FAM151A: variants seen among roughly 807,000 people sequenced by gnomAD.
FAM151A encodes the protein family with sequence similarity 151 member A, also known as protein FAM151A.
FAM151A carries 41 observed loss-of-function variants against 40.4 expected under a neutral mutation model. The observed-to-expected ratio is 1.01, with a 90% CI of 0.79 to 1.32. FAM151A has a LOEUF of 1.32. Ranked by LOEUF, FAM151A falls within the 40% of genes most tolerant of loss-of-function variation. The pLI is 0.00. For missense variants in FAM151A, 740 were observed against 740.4 expected (o/e 1.00, Z 0.01); for synonymous variants, 337 against 312.5 (o/e 1.08, Z -0.83).
chr1:54,611,494 C>T lies in FAM151A; in HGVS notation c.940+112G>A, dbSNP rs1644117655. The T allele has an allele frequency of 2.7e-6, 3 of 1,108,914 alleles. No individual in the cohort carries two copies. In the East Asian group the frequency reaches 7.3e-5, roughly 27 times the overall value. 68.7% of individuals were successfully genotyped at this position (1,108,914 alleles called of 1,614,324 possible). On this transcript the variant is annotated intron_variant, in intron 6 of 7. Coordinates refer to ENST00000302250, the MANE Select transcript of FAM151A (RefSeq NM_176782.3). ...AAAATGCAGCCGCCTCCTGTCCCAC[C>T]CCGGCCTTCCCCCTTCTGATATCCC... is the stretch of plus-strand genomic sequence containing the variant.
Position 54,616,047 on chromosome 1 carries a change from C to T in FAM151A, c.388G>A (p.Asp130Asn). 1 of 1,614,044 alleles carries T rather than the reference C, an allele frequency of 6.2e-7. No individual in the cohort carries two copies. Among genetic ancestry groups the T allele is most frequent in the South Asian group, 1.1e-5 (1 of 91,072 alleles). Residue 130 changes from aspartate (D) to asparagine (N), a missense_variant, in exon 3 of 8, where the codon GAC (aspartate) becomes AAC (asparagine). Asp to Asn is a conservative substitution (Grantham distance 23). Coordinates refer to ENST00000302250, the MANE Select transcript of FAM151A (RefSeq NM_176782.3). Reference sequence around the variant, plus strand: ...TTTTGGGAAGAGCCCAGCACAGCGTCCAGCCACTGCTCCAGTGTGTTGTCA... The same window carrying T: ...TTTTGGGAAGAGCCCAGCACAGCGTTCAGCCACTGCTCCAGTGTGTTGTCA... ...YSDNTLEQWL[D>N]AVLGSSQKGI...
intron 2 of FAM151A, among the ~76,000 whole-genome samples, chr1:54,619,239 T>C (rs1299511624): frequency 6.6e-6 from 1 of 152,214 alleles, no homozygotes; most frequent in African/African-American, 2.4e-5. Flanking sequence ...TTCACTAGCA[T>C]GTTCGTGAAC....
chr1:54,610,160 C>A, intron 7 of FAM151A: 1 of 1,433,126 alleles, frequency 7.0e-7, no homozygotes, highest in Non-Finnish European at 9.1e-7. Context: ...TTACCCATGA[C>A]TCAGCCTGGG....
chr1:54,619,749 G>T, intron 2 of FAM151A, 115 bp downstream of exon 2: 1 of 1,083,278 alleles, frequency 9.2e-7, no homozygotes, highest in Non-Finnish European at 1.3e-6. Context: ...CATGCTGAAA[G>T]ACATGTAAAC....
Position 54,609,362 on chromosome 1 carries a change from A to C in FAM151A, c.1664T>G (p.Leu555Trp). 6.2e-7 allele frequency: 1 copy of C among 1,614,164 alleles called. No individual in the cohort carries two copies. The highest frequency in any genetic ancestry group is 8.5e-7 in the Non-Finnish European group (1 of 1,180,026). ...GGDYASVRTALLAARAVDRTR... is the reference protein window; with the variant it reads ...GGDYASVRTAWLAARAVDRTR... ...CCTGTCCACAGCCCTAGCTGCCAGC[A>C]ATGCTGTCCTCACAGAGGCATAGTC... The change falls in exon 8 of 8, where the codon TTG (leucine) becomes TGG (tryptophan). Residue 555 changes from leucine to tryptophan, a missense_variant. By Grantham distance (61) the Leu-to-Trp change is moderately conservative. Transcript: ENST00000302250.
chr1:54,621,108 C>T (rs1033494177), intron 1 of FAM151A, among the ~76,000 whole-genome samples: 2 of 150,532 alleles, frequency 1.3e-5, no homozygotes, highest in African/African-American at 4.9e-5. Context: ...TGCAGTGAGC[C>T]GGAGATCATG....
intron 1 of FAM151A, among the ~76,000 whole-genome samples, 188 bp downstream of exon 1, chr1:54,623,090 C>G (rs550640834): frequency 6.7e-4 from 101 of 150,970 alleles, no homozygotes; most frequent in African/African-American, 2.4e-3. Context: ...GCAGGAGAAT[C>G]GCTTGAACCT....
intron 4 of FAM151A, 94 bp from the exon 5 acceptor site, chr1:54,612,804 C>A: frequency 2.3e-6 from 2 of 862,602 alleles, no homozygotes; most frequent in Non-Finnish European, 3.7e-6. Flanking sequence ...GTGGCAGAGC[C>A]TATTGGATCT....
chr1:54,616,500 G>A (rs1267103315), intron 2 of FAM151A, among the ~76,000 whole-genome samples: 1 of 151,924 alleles, frequency 6.6e-6, no homozygotes, highest in Non-Finnish European at 1.5e-5. Flanking sequence ...AGCCTCCCAA[G>A]TAGCTGGAAT....
chr1:54,620,251 C>T lies in FAM151A; in HGVS notation c.119-244G>A, dbSNP rs547598128. Among the ~76,000 whole-genome samples the T allele has an allele frequency of 6.6e-5, 10 of 152,306 alleles. 1 individual carries two copies. In the South Asian group the frequency reaches 2.1e-3, roughly 32 times the overall value. ...GGGGGCAGGTTCACAGAGAAGGGAA[C>T]ACTTAAGGAAGACCTTGAAGGATGG... On this transcript the variant is annotated intron_variant, in intron 1 of 7. Coordinates refer to ENST00000302250, the MANE Select transcript of FAM151A (RefSeq NM_176782.3).
intron 1 of FAM151A, among the ~76,000 whole-genome samples, chr1:54,622,650 A>G (rs1334432733): frequency 3.3e-5 from 5 of 151,754 alleles, no homozygotes; most frequent in African/African-American, 9.7e-5. Context: ...GAGGCAGGAA[A>G]ACCACTTAGA....
intron 3 of FAM151A, among the ~76,000 whole-genome samples, chr1:54,615,757 T>C (rs1644166396): frequency 6.6e-6 from 1 of 152,204 alleles, no homozygotes; most frequent in Non-Finnish European, 1.5e-5. Context: ...ACTCTGAGCA[T>C]GCGCGGCACT....
At chr1:54,610,671 C>A in intron 6 of FAM151A, 116 bp from the exon 7 acceptor site, 1 of 1,457,652 alleles carries the variant, frequency 6.9e-7, no homozygotes, top group Non-Finnish European at 9.1e-7. Flanking sequence ...CCTCATAGCA[C>A]CCTGCCAAGT....
chr1:54,620,214 G>A (rs1644216548), intron 1 of FAM151A, among the ~76,000 whole-genome samples: 5 of 152,204 alleles, frequency 3.3e-5, no homozygotes, highest in Admixed American at 3.3e-4. Context: ...CCAGCCTGAG[G>A]CAGTCAGGAA....
At position 54,610,414 on chromosome 1, in the gene FAM151A, G is replaced by A. The variant is rs1298842610; in HGVS notation, c.1082C>T (p.Pro361Leu). 6.2e-6 allele frequency: 10 copies of A among 1,612,970 alleles called. No individual in the cohort carries two copies. The East Asian group carries it at 1.1e-4, about 18-fold the overall frequency. Reference protein sequence around the residue: ...GSGKTATMTLPDTEGMILLNT... With the variant: ...GSGKTATMTLLDTEGMILLNT... ...CGGGGCTGAAGGGTAGACCTTACCTGGGAGGGTCATTGTTGCTGTTTTACC... is the reference window on the plus strand; with the variant it reads ...CGGGGCTGAAGGGTAGACCTTACCTAGGAGGGTCATTGTTGCTGTTTTACC... The change falls in exon 7 of 8, where the codon CCA (proline) becomes CTA (leucine). Residue 361 changes from proline (P) to leucine (L), a missense_variant and splice_region_variant. By Grantham distance (98) the Pro-to-Leu change is moderately conservative (BLOSUM62 -3). Coordinates refer to ENST00000302250, the MANE Select transcript of FAM151A (RefSeq NM_176782.3).
Position 54,609,954 on chromosome 1 carries a change from GCAGAGGCAA to G in FAM151A, c.1085-22_1085-14del. 6.3e-7 allele frequency: 1 copy of G among 1,596,788 alleles called. No individual in the cohort carries two copies. Among genetic ancestry groups the G allele is most frequent in the Non-Finnish European group, 8.5e-7 (1 of 1,175,924 alleles). The stretch of plus-strand genomic sequence containing the variant: ...ATGCCTTCTGTGTCTGGAAGAGGCG[GCAGAGGCAA>G]CAGTGTTTAGGATTTGGGTTATCAT... On this transcript the variant is annotated splice_polypyrimidine_tract_variant and intron_variant, in intron 7 of 7. Transcript: ENST00000302250.
chr1:54,618,683 C>T (rs1164133549), intron 2 of FAM151A, among the ~76,000 whole-genome samples: 4 of 152,102 alleles, frequency 2.6e-5, no homozygotes, highest in African/African-American at 7.2e-5. Context: ...AAGCCATATT[C>T]AGGAGGGAAG....
rs759778699 is a variant in FAM151A at position 54,609,893 on chromosome 1, G to C, written c.1133C>G (p.Ala378Gly). ...ATGAACAATGGGCACGGGGTTTTCA[G>C]CCACAGTTCCCTCGAGGCCAGTGTT... is the stretch of plus-strand genomic sequence containing the variant. ...LLNTGLEGTVAENPVPIVHTP... is the reference protein window; with the variant it reads ...LLNTGLEGTVGENPVPIVHTP... The change falls in exon 8 of 8, where the codon GCT becomes GGT. Residue 378 changes from alanine to glycine, a missense_variant. Coordinates refer to ENST00000302250, the MANE Select transcript of FAM151A (RefSeq NM_176782.3). 6.2e-7 allele frequency: 1 copy of C among 1,612,392 alleles called. No homozygotes were observed. Among genetic ancestry groups the C allele is most frequent in the Non-Finnish European group, 8.5e-7 (1 of 1,179,954 alleles).
chr1:54,618,262 G>A (rs918320304), intron 2 of FAM151A, among the ~76,000 whole-genome samples: 3 of 152,144 alleles, frequency 2.0e-5, no homozygotes, highest in African/African-American at 7.2e-5. Flanking sequence ...CTAGCACTTT[G>A]GGAGCCCGAG....
Sources: allele counts gnomAD v4.1 joint callset (sites outside exome capture counted in the v4.1 genomes callset), GRCh38; gene constraint gnomAD v4.1.1; transcripts MANE v1.5; gene names NCBI Gene and HGNC (gene_info 2026-07-23, HGNC 2026-07-21).